The following SYNDIG1 variants were observed in gnomAD, a reference collection of about 807,000 sequenced individuals.
SYNDIG1 encodes the protein synapse differentiation inducing 1.
In SYNDIG1, 9 loss-of-function variants were observed where a neutral mutation model predicts 19.4. The ratio of observed to expected loss-of-function variants is 0.46; its 90% CI spans 0.28 to 0.81. SYNDIG1 has a LOEUF of 0.81. SYNDIG1 is among the 30% of genes least tolerant of loss of function. SYNDIG1 has a pLI of 0.12. For missense variants in SYNDIG1, 311 were observed against 343.3 expected, an observed-to-expected ratio of 0.91 and a Z score of 0.74; for synonymous variants, 141 against 145.9, an observed-to-expected ratio of 0.97 and a Z score of 0.24.
At chr20:24,608,561 C>A (rs185999707) in intron 3 of SYNDIG1, among the ~76,000 whole-genome samples, 1 of 152,288 alleles carries the variant, frequency 6.6e-6, no homozygotes, top group East Asian at 1.9e-4. Flanking sequence ...CGTGTCCAGA[C>A]CTCTGTACAT....
chr20:24,517,759 G>GTATA (rs373117602), intron 1 of SYNDIG1, among the ~76,000 whole-genome samples: 4 of 141,738 alleles, frequency 2.8e-5, no homozygotes, highest in Middle Eastern at 3.4e-3. Context: ...GTGTGTGTGT[G>GTATA]TATATATATA....
chr20:24,589,591 A>C (rs1320197665), intron 3 of SYNDIG1, among the ~76,000 whole-genome samples: 2 of 152,200 alleles, frequency 1.3e-5, no homozygotes, highest in African/African-American at 4.8e-5. Context: ...CCTGCCCCCA[A>C]GGTGGGCATT....
At chr20:24,547,946 C>G (rs781542117) in intron 2 of SYNDIG1, among the ~76,000 whole-genome samples, 66 of 152,336 alleles carry the variant, frequency 4.3e-4, no homozygotes, top group Middle Eastern at 3.4e-3. Flanking sequence ...CAAAACCTCT[C>G]AGACCTGAAG....
intron 2 of SYNDIG1, among the ~76,000 whole-genome samples, chr20:24,560,582 A>T (rs1266550152): frequency 6.6e-6 from 1 of 151,112 alleles, no homozygotes; most frequent in African/African-American, 2.4e-5. Flanking sequence ...ATTATTAAAT[A>T]CGGTTTTCTT....
At chr20:24,664,424 G>T (rs1229250860) in intron 3 of SYNDIG1, among the ~76,000 whole-genome samples, 1 of 152,160 alleles carries the variant, frequency 6.6e-6, no homozygotes, top group Non-Finnish European at 1.5e-5. Context: ...AGGACATTCT[G>T]CCAGGGTAGT....
Position 24,529,518 on chromosome 20 carries a change from A to G in SYNDIG1, c.-78-13502A>G, listed in dbSNP as rs567279941. 3.3e-5 allele frequency among the ~76,000 whole-genome samples: 5 copies of G among 152,388 alleles called. No homozygotes were observed. In the East Asian group the frequency reaches 9.6e-4, roughly 29 times the overall value. On this transcript the variant is annotated intron_variant, in intron 1 of 3. Coordinates refer to ENST00000376862, the MANE Select transcript of SYNDIG1 (RefSeq NM_024893.3). ...AAGAAGAAGCCATAGACATATGTGC[A>G]TGAATGGTTGTGGGTGTAGTCCAAT...
At chr20:24,565,305 A>G (rs76701939) in intron 2 of SYNDIG1, among the ~76,000 whole-genome samples, 4,980 of 152,326 alleles carry the variant, frequency 0.033, 244 homozygotes, top group African/African-American at 0.11. Flanking sequence ...CGGAATGTAT[A>G]GCTCAGAATC....
intron 1 of SYNDIG1, among the ~76,000 whole-genome samples, chr20:24,531,480 G>T (rs2146631272): frequency 6.6e-6 from 1 of 152,300 alleles, no homozygotes; most frequent in African/African-American, 2.4e-5. Flanking sequence ...GTAAGAGAAA[G>T]TTCTGATTCT....
intron 3 of SYNDIG1, among the ~76,000 whole-genome samples, chr20:24,597,842 A>T (rs1568672807): frequency 2.0e-5 from 3 of 152,324 alleles, no homozygotes; most frequent in South Asian, 2.1e-4. Flanking sequence ...TAGCCCCTCC[A>T]TAGCTTTGGT....
At chr20:24,600,761 C>T (rs1013896012) in intron 3 of SYNDIG1, among the ~76,000 whole-genome samples, 3 of 151,988 alleles carry the variant, frequency 2.0e-5, no homozygotes, top group African/African-American at 7.3e-5. Context: ...ATTACAGGTG[C>T]CCGCCACCAC....
intron 1 of SYNDIG1, among the ~76,000 whole-genome samples, chr20:24,471,130 C>A (rs2055436256): frequency 6.6e-6 from 1 of 152,068 alleles, no homozygotes; most frequent in South Asian, 2.1e-4. Flanking sequence ...CTGCGTAGAC[C>A]TGCGCCTGTG....
At chr20:24,647,362 C>CCCCGTTCTTA in intron 3 of SYNDIG1, among the ~76,000 whole-genome samples, 1 of 152,228 alleles carries the variant, frequency 6.6e-6, no homozygotes, top group Non-Finnish European at 1.5e-5. Context: ...GCGGCAGAAT[C>CCCCGTTCTTA]GGGGGAATCT....
At chr20:24,630,538 A>G (rs1600794416) in intron 3 of SYNDIG1, among the ~76,000 whole-genome samples, 1 of 152,130 alleles carries the variant, frequency 6.6e-6, no homozygotes, top group South Asian at 2.1e-4. Flanking sequence ...AGAAACAGCC[A>G]GAGAGTCTAT....
At chr20:24,513,345 C>T (rs564751206) in intron 1 of SYNDIG1, among the ~76,000 whole-genome samples, 5 of 152,130 alleles carry the variant, frequency 3.3e-5, no homozygotes, top group Admixed American at 6.6e-5. Flanking sequence ...TGAGGAAGGT[C>T]GAACCCAATG....
At chr20:24,571,203 A>C (rs567385433) in intron 2 of SYNDIG1, among the ~76,000 whole-genome samples, 4 of 152,172 alleles carry the variant, frequency 2.6e-5, no homozygotes, top group African/African-American at 9.7e-5. Flanking sequence ...GCATACATCT[A>C]TACATGCAAC....
intron 1 of SYNDIG1, among the ~76,000 whole-genome samples, chr20:24,496,776 C>A (rs1435169455): frequency 1.3e-5 from 2 of 152,190 alleles, no homozygotes; most frequent in Non-Finnish European, 2.9e-5. Flanking sequence ...TATCCCCTGA[C>A]ACAATATACC....
intron 1 of SYNDIG1, among the ~76,000 whole-genome samples, chr20:24,528,694 A>C (rs918774568): frequency 1.3e-5 from 2 of 152,182 alleles, no homozygotes; most frequent in Admixed American, 1.3e-4. Flanking sequence ...TAATGCCATC[A>C]CCTCAGGAAT....
chr20:24,585,860 G>A (rs1187499627), intron 3 of SYNDIG1, among the ~76,000 whole-genome samples: 1 of 152,198 alleles, frequency 6.6e-6, no homozygotes, highest in Non-Finnish European at 1.5e-5. Context: ...TTCTCAGGGA[G>A]GGCTGAAGAT....
intron 1 of SYNDIG1, among the ~76,000 whole-genome samples, chr20:24,479,255 G>T (rs1021308294): frequency 6.6e-6 from 1 of 152,102 alleles, no homozygotes; most frequent in Non-Finnish European, 1.5e-5. Context: ...CGTCCTGATG[G>T]GTTCTTCCCG....
Sources: gnomAD v4.1 joint callset for allele counts (sites outside exome capture counted in the v4.1 genomes callset) on GRCh38, gnomAD v4.1.1 for gene constraint, MANE v1.5 for transcripts, NCBI Gene and HGNC (gene_info 2026-07-23, HGNC 2026-07-21) for gene names.